GALNT10: variants seen among roughly 807,000 people sequenced by gnomAD.
GALNT10 encodes the protein polypeptide N-acetylgalactosaminyltransferase 10, also known as GalNAc transferase 10.
In GALNT10, 41 loss-of-function variants were observed where a neutral mutation model predicts 75.0. The ratio of observed to expected loss-of-function variants is 0.55; its 90% CI spans 0.43 to 0.71. GALNT10 has a LOEUF of 0.71. Among genes scored for constraint, GALNT10 ranks in the 30% least tolerant of loss-of-function variants. The pLI is 0.00. For missense variants in GALNT10, 727 were observed against 818.5 expected (o/e 0.89, Z 1.36); for synonymous variants, 302 against 313.0 (o/e 0.96, Z 0.37).
intron 10 of GALNT10, among the ~76,000 whole-genome samples, chr5:154,413,530 G>A (rs1756444617): frequency 6.6e-6 from 1 of 152,194 alleles, no homozygotes; most frequent in Admixed American, 6.5e-5. Context: ...AGAGGTGATG[G>A]GTGTGTTCAT....
intron 1 of GALNT10, among the ~76,000 whole-genome samples, chr5:154,268,491 A>G (rs502045): frequency 0.064 from 9,771 of 152,184 alleles, 845 homozygotes; most frequent in African/African-American, 0.2. Flanking sequence ...GACAACATTC[A>G]AGGGGAAGAG....
At chr5:154,201,276 A>G (rs1106324) in intron 1 of GALNT10, among the ~76,000 whole-genome samples, 74,530 of 151,888 alleles carry the variant, frequency 0.49, 19,609 homozygotes, top group East Asian at 0.88. Flanking sequence ...GAGGCAGGGC[A>G]GGGCTTACGG....
intron 1 of GALNT10, among the ~76,000 whole-genome samples, chr5:154,247,203 G>T (rs1753440962): frequency 6.6e-6 from 1 of 152,166 alleles, no homozygotes; most frequent in African/African-American, 2.4e-5. Context: ...CGCTGTTTTG[G>T]TTACTGTAGC....
At chr5:154,406,736 G>T (rs1003190531) in intron 8 of GALNT10, among the ~76,000 whole-genome samples, 1 of 152,282 alleles carries the variant, frequency 6.6e-6, no homozygotes, top group African/African-American at 2.4e-5. Context: ...GGCGGAAGTT[G>T]CAGTGAGCCG....
intron 1 of GALNT10, among the ~76,000 whole-genome samples, chr5:154,209,842 C>T (rs2113647566): frequency 6.6e-6 from 1 of 152,248 alleles, no homozygotes; most frequent in East Asian, 1.9e-4. Context: ...TAGTAAAGTG[C>T]ATGTGTTATT....
intron 7 of GALNT10, among the ~76,000 whole-genome samples, chr5:154,398,776 T>C (rs1259715000): frequency 6.6e-6 from 1 of 152,208 alleles, no homozygotes; most frequent in Non-Finnish European, 1.5e-5. Flanking sequence ...AGATTCATAA[T>C]AATATCATTC....
intron 4 of GALNT10, among the ~76,000 whole-genome samples, chr5:154,354,461 A>T (rs925059078): frequency 3.6e-4 from 55 of 152,344 alleles, no homozygotes; most frequent in African/African-American, 1.3e-3. Context: ...ACAGCATCTC[A>T]GAGGAGTCCG....
In GALNT10 at chr5:154,333,124, G is replaced by T. The variant is rs201593303; in HGVS notation, c.568+3386G>T. On this transcript the variant is annotated intron_variant, in intron 4 of 11. Transcript: ENST00000297107. The stretch of plus-strand genomic sequence containing the variant: ...GGGTTCAGGTGCCTCTCCTGGTGTG[G>T]TCTGTATTTACTTTCTGAAAAAGTG... Among the ~76,000 whole-genome samples the T allele has an allele frequency of 5.9e-5, 9 of 152,282 alleles. No individual in the cohort carries two copies. In the East Asian group the frequency reaches 1.5e-3, roughly 26 times the overall value.
intron 3 of GALNT10, among the ~76,000 whole-genome samples, chr5:154,313,832 C>T (rs556536637): frequency 7.9e-5 from 12 of 152,056 alleles, no homozygotes; most frequent in South Asian, 2.1e-4. Context: ...GTCTGCAGCT[C>T]GAGGGAGGAT....
At chr5:154,307,613 C>G (rs1754453537) in intron 3 of GALNT10, among the ~76,000 whole-genome samples, 1 of 133,304 alleles carries the variant, frequency 7.5e-6, no homozygotes, top group African/African-American at 3.0e-5. Flanking sequence ...GAGTGAGACT[C>G]CATCTCAAGA....
chr5:154,382,324 T>G (rs1265173754), intron 6 of GALNT10, among the ~76,000 whole-genome samples: 2 of 152,240 alleles, frequency 1.3e-5, no homozygotes, highest in Non-Finnish European at 2.9e-5. Flanking sequence ...CAAACATTTG[T>G]GGTCTTCTCT....
chr5:154,212,275 T>C (rs1033352576), intron 1 of GALNT10, among the ~76,000 whole-genome samples: 6 of 152,192 alleles, frequency 3.9e-5, no homozygotes, highest in Non-Finnish European at 7.3e-5. Flanking sequence ...TGAGCAGCTT[T>C]CCCCTTGGTT....
At chr5:154,274,185 A>T (rs927317021) in intron 1 of GALNT10, among the ~76,000 whole-genome samples, 5 of 152,174 alleles carry the variant, frequency 3.3e-5, no homozygotes, top group Non-Finnish European at 5.9e-5. Flanking sequence ...ATTCTGGAGG[A>T]CAGGAAACAG....
chr5:154,395,599 G>T (rs1755999263), intron 7 of GALNT10, among the ~76,000 whole-genome samples: 1 of 152,172 alleles, frequency 6.6e-6, no homozygotes, highest in African/African-American at 2.4e-5. Context: ...GGCAAGACAG[G>T]TCAAAAGGCC....
rs1581980666 is a variant in GALNT10, at chr5:154,338,030, C to G, written c.568+8292C>G. ...TGCCTCGATCAGTCATGATTGCAAT[C>G]ACTTCATTTTTCCATACTGTTCAAA... is the stretch of plus-strand genomic sequence containing the variant. On this transcript the variant is annotated intron_variant, in intron 4 of 11. Transcript: ENST00000297107. 4 of 1,479,908 alleles carry G rather than the reference C, an allele frequency of 2.7e-6. 1 individual carries two copies. The East Asian group carries it at 9.0e-5, about 33-fold the overall frequency. The allele number at this position is 1,479,908 out of a possible 1,614,324, so 91.7% of individuals were successfully genotyped here. A position where few individuals can be genotyped will look rare whatever the true frequency, so the allele number is the denominator to read the frequency against.
rs1755232629 is a variant in GALNT10 at position 154,352,970 on chromosome 5, C to T, written c.568+23232C>T. Among the ~76,000 whole-genome samples the T allele has an allele frequency of 6.6e-6, 1 of 152,096 alleles. No homozygotes were observed. Among genetic ancestry groups the T allele is most frequent in the African/African-American group, 2.4e-5 (1 of 41,404 alleles). On this transcript the variant is annotated intron_variant, in intron 4 of 11. Coordinates refer to ENST00000297107, the MANE Select transcript of GALNT10 (RefSeq NM_198321.4). This position sits in a 1 kb window ranked among gnomAD's most constrained non-coding sequence, Gnocchi z 4.4. Reference sequence around the variant, plus strand: ...TGTCATCCGAAGGTGAACTTGGATCCAGGAATCCTCACCAGCTCTGACCTC... The same window carrying T: ...TGTCATCCGAAGGTGAACTTGGATCTAGGAATCCTCACCAGCTCTGACCTC...
rs193109929 is a variant in GALNT10 at position 154,409,279 on chromosome 5, G to T, written c.1165-262G>T. On this transcript the variant is annotated intron_variant, in intron 8 of 11. Coordinates refer to ENST00000297107, the MANE Select transcript of GALNT10 (RefSeq NM_198321.4). The surrounding 1 kb of genome is among the most constrained non-coding windows in gnomAD (Gnocchi z 4.5). Reference sequence around the variant, plus strand: ...GCTCCCCAGAGGAAAATCAGTGGGGGCTATCGCTAGAAGAAGATGGGATGG... The same window carrying T: ...GCTCCCCAGAGGAAAATCAGTGGGGTCTATCGCTAGAAGAAGATGGGATGG... 1.3e-5 allele frequency among the ~76,000 whole-genome samples: 2 copies of T among 152,152 alleles called. No individual in the cohort carries two copies. The highest frequency in any genetic ancestry group is 4.8e-5 in the African/African-American group (2 of 41,436).
At chr5:154,374,185 C>A (rs1172906462) in intron 4 of GALNT10, among the ~76,000 whole-genome samples, 2 of 152,128 alleles carry the variant, frequency 1.3e-5, no homozygotes, top group African/African-American at 2.4e-5. Context: ...TCAATTAGGG[C>A]AAATTGATTT....
intron 1 of GALNT10, among the ~76,000 whole-genome samples, chr5:154,235,871 A>G (rs1753238370): frequency 6.6e-6 from 1 of 152,204 alleles, no homozygotes; most frequent in African/African-American, 2.4e-5. Context: ...TTTTACTGAT[A>G]AAGGAACTGA....
Sources: allele counts gnomAD v4.1 joint callset (sites outside exome capture counted in the v4.1 genomes callset), GRCh38; gene constraint gnomAD v4.1.1; non-coding constraint Gnocchi (gnomAD v3.1); transcripts MANE v1.5; gene names NCBI Gene and HGNC (gene_info 2026-07-23, HGNC 2026-07-21).